The following PTPRM variants were observed in gnomAD, a reference collection of about 807,000 sequenced individuals.
PTPRM encodes receptor-type tyrosine-protein phosphatase mu.
In PTPRM, 47 loss-of-function variants were observed where a neutral mutation model predicts 186.7. That is an observed-to-expected ratio of 0.25 (90% CI 0.20 to 0.32). The LOEUF (loss-of-function observed/expected upper bound fraction) is 0.32. Among genes scored for constraint, PTPRM ranks in the 10% least tolerant of loss-of-function variants. PTPRM has a pLI of 1.00. For synonymous variants in PTPRM, 668 were observed against 674.9 expected (o/e 0.99, Z 0.16); for missense variants, 1,494 against 1,865.0 (o/e 0.80, Z 3.66).
rs80154169 is a variant in PTPRM at position 8,386,666 on chromosome 18, G to C, written c.4045-406G>C. Among the ~76,000 whole-genome samples, 139 of 152,286 alleles carry C rather than the reference G, an allele frequency of 9.1e-4. 1 individual carries two copies. The East Asian group carries it at 0.026, about 29-fold the overall frequency. Reference sequence around the variant, plus strand: ...TAAGCAAAACCATATTATGCTCACAGGAAGCAGTGTTCTCTATCTTCACAC... The same window carrying C: ...TAAGCAAAACCATATTATGCTCACACGAAGCAGTGTTCTCTATCTTCACAC... On this transcript the variant is annotated intron_variant, in intron 30 of 32. Coordinates refer to ENST00000580170, the MANE Select transcript of PTPRM (RefSeq NM_001105244.2).
At chr18:7,849,479 G>C (rs1218733687) in intron 2 of PTPRM, among the ~76,000 whole-genome samples, 2 of 152,196 alleles carry the variant, frequency 1.3e-5, no homozygotes, top group Non-Finnish European at 2.9e-5. Context: ...CTAAAAAATA[G>C]ATGTTAACTC....
At chr18:8,332,657 C>T (rs1389011725) in intron 22 of PTPRM, among the ~76,000 whole-genome samples, 1 of 152,102 alleles carries the variant, frequency 6.6e-6, no homozygotes, top group Non-Finnish European at 1.5e-5. Flanking sequence ...AGAGTACACA[C>T]CTGCAAGGCA....
intron 2 of PTPRM, among the ~76,000 whole-genome samples, chr18:7,791,156 G>A (rs1206523593): frequency 2.0e-5 from 3 of 152,028 alleles, no homozygotes; most frequent in African/African-American, 2.4e-5. Flanking sequence ...CAAATGACAT[G>A]GTTATTTCAT....
At chr18:7,980,490 C>T (rs2082489439) in intron 7 of PTPRM, among the ~76,000 whole-genome samples, 1 of 151,920 alleles carries the variant, frequency 6.6e-6, no homozygotes, top group African/African-American at 2.4e-5. Flanking sequence ...CTCAAGTGAT[C>T]CTCCCGCCTC....
At chr18:7,879,046 T>G (rs775940731) in intron 2 of PTPRM, among the ~76,000 whole-genome samples, 8 of 152,226 alleles carry the variant, frequency 5.3e-5, no homozygotes, top group Non-Finnish European at 1.5e-5. Context: ...TGTTTTTTAC[T>G]TATAAATTAC....
chr18:7,806,948 T>G (rs1428515162), intron 2 of PTPRM, among the ~76,000 whole-genome samples: 1 of 152,224 alleles, frequency 6.6e-6, no homozygotes, highest in African/African-American at 2.4e-5. Context: ...TTGTGTTCTG[T>G]GCCAGAGGTT....
chr18:8,383,974 C>T (rs1486024089), intron 29 of PTPRM, among the ~76,000 whole-genome samples: 1 of 152,184 alleles, frequency 6.6e-6, no homozygotes, highest in Non-Finnish European at 1.5e-5. Flanking sequence ...CTGCCATCCA[C>T]ATGACCTCGT....
At chr18:7,984,258 T>A (rs920632534) in intron 7 of PTPRM, among the ~76,000 whole-genome samples, 1 of 151,980 alleles carries the variant, frequency 6.6e-6, no homozygotes, top group African/African-American at 2.4e-5. Context: ...TCCGTTTTCT[T>A]ACCTAATCCT....
At chr18:7,683,096 T>C (rs1043008330) in intron 1 of PTPRM, among the ~76,000 whole-genome samples, 1 of 152,194 alleles carries the variant, frequency 6.6e-6, no homozygotes, top group African/African-American at 2.4e-5. Context: ...AACAGTCTCA[T>C]GTCAGGCTTG....
intron 7 of PTPRM, among the ~76,000 whole-genome samples, chr18:8,059,134 T>C (rs369430020): frequency 2.0e-5 from 3 of 151,646 alleles, no homozygotes; most frequent in Middle Eastern, 3.4e-3. Flanking sequence ...TTTCCTTGAG[T>C]AGCGGTTTGC....
At chr18:7,588,128 T>C (rs974843809) in intron 1 of PTPRM, among the ~76,000 whole-genome samples, 30 of 152,178 alleles carry the variant, frequency 2.0e-4, no homozygotes, top group Non-Finnish European at 5.9e-5. Flanking sequence ...TGAGCTATTA[T>C]AAAGTGAGGA....
chr18:7,779,969 T>C (rs1029741290), intron 2 of PTPRM, among the ~76,000 whole-genome samples: 1 of 152,176 alleles, frequency 6.6e-6, no homozygotes, highest in Non-Finnish European at 1.5e-5. Flanking sequence ...AACCACATTT[T>C]CCCACATTTA....
At chr18:8,381,666 G>A (rs2095737078) in intron 29 of PTPRM, among the ~76,000 whole-genome samples, 1 of 152,162 alleles carries the variant, frequency 6.6e-6, no homozygotes, top group South Asian at 2.1e-4. Context: ...TTAGCTTACA[G>A]TCATTTATAA....
chr18:8,080,240 A>G (rs75975962), intron 9 of PTPRM, among the ~76,000 whole-genome samples: 2,884 of 152,262 alleles, frequency 0.019, 31 homozygotes, highest in Non-Finnish European at 0.032. Context: ...CTAGAAGTTT[A>G]TTAGTAATAC....
chr18:8,387,079 A>T lies in PTPRM; in HGVS notation c.4052A>T (p.Asp1351Val). Reference protein sequence around the residue: ...FRIYNAARPQDGYRMVQQFQF... With the variant: ...FRIYNAARPQVGYRMVQQFQF... Reference sequence around the variant, plus strand: ...TTGCCTTGTTCTTCGTAGCCCCAAGATGGATATCGGATGGTGCAGCAATTC... The same window carrying T: ...TTGCCTTGTTCTTCGTAGCCCCAAGTTGGATATCGGATGGTGCAGCAATTC... The change falls in exon 31 of 33, where the codon GAT becomes GTT. Residue 1351 changes from aspartate to valine, a missense_variant. Around this residue, in one of 3 missense-constraint regions of PTPRM, gnomAD observed 1,107 missense variants for 1,350.2 expected, o/e 0.82. Transcript: ENST00000580170. 1 of 1,605,328 alleles carries T rather than the reference A, an allele frequency of 6.2e-7. No homozygotes were observed. The highest frequency in any genetic ancestry group is 8.5e-7 in the Non-Finnish European group (1 of 1,172,258).
intron 21 of PTPRM, among the ~76,000 whole-genome samples, chr18:8,318,377 G>GCCTGGAACC (rs1277882191): frequency 7.4e-6 from 1 of 135,196 alleles, no homozygotes; most frequent in Non-Finnish European, 1.5e-5. Flanking sequence ...GCTCACTGCA[G>GCCTGGAACC]CCTGGAACCC....
intron 7 of PTPRM, among the ~76,000 whole-genome samples, chr18:7,996,729 A>G (rs1741186286): frequency 1.3e-5 from 2 of 151,782 alleles, no homozygotes; most frequent in Non-Finnish European, 2.9e-5. Flanking sequence ...AGTCGGTAGC[A>G]TTTCTATACC....
At chr18:7,931,664 G>A (rs895200950) in intron 5 of PTPRM, among the ~76,000 whole-genome samples, 1 of 152,136 alleles carries the variant, frequency 6.6e-6, no homozygotes, top group East Asian at 1.9e-4. Flanking sequence ...TCGTGCCACT[G>A]CACTCCGTCT....
intron 1 of PTPRM, among the ~76,000 whole-genome samples, chr18:7,643,998 A>T (rs1238206225): frequency 6.6e-6 from 1 of 152,204 alleles, no homozygotes; most frequent in East Asian, 1.9e-4. Context: ...TAAATATAAT[A>T]GTGTAATGGG....
Sources: allele counts gnomAD v4.1 joint callset (sites outside exome capture counted in the v4.1 genomes callset), GRCh38; gene constraint gnomAD v4.1.1; regional missense constraint gnomAD v4.1.1; transcripts MANE v1.5; gene names NCBI Gene and HGNC (gene_info 2026-07-23, HGNC 2026-07-21).